CNGB1: variants seen among roughly 807,000 people sequenced by gnomAD.
The protein encoded by CNGB1 is cyclic nucleotide gated channel subunit beta 1.
In CNGB1, 126 loss-of-function variants were observed where a neutral mutation model predicts 151.7. The ratio of observed to expected loss-of-function variants is 0.83; its 90% CI spans 0.72 to 0.96. The LOEUF (loss-of-function observed/expected upper bound fraction) is 0.96. CNGB1 is among the 40% of genes least tolerant of loss of function. The probability of loss-of-function intolerance (pLI) is 0.00; values close to 1 mark genes in which losing one functional copy is unlikely to be tolerated. For missense variants in CNGB1, 1,698 were observed against 1,627.0 expected (o/e 1.04, Z -0.75); for synonymous variants, 623 against 635.1 (o/e 0.98, Z 0.29).
intron 1 of CNGB1, among the ~76,000 whole-genome samples, chr16:57,969,414 C>T (rs933476363): frequency 6.6e-6 from 1 of 152,124 alleles, no homozygotes; most frequent in African/African-American, 2.4e-5. Flanking sequence ...CTCAGGAGTT[C>T]GAGACCAGCC....
Position 57,904,951 on chromosome 16 carries a change from C to G in CNGB1, c.2493-76G>C. On this transcript the variant is annotated intron_variant, in intron 25 of 32. Transcript: ENST00000251102. The stretch of plus-strand genomic sequence containing the variant: ...CGCCCCGAGCAGTCTGGCTCAGACG[C>G]CTCTGATAGATGCATGTTGTGCAAA... The G allele has an allele frequency of 3.2e-6, 5 of 1,570,748 alleles. No homozygotes were observed. The South Asian group carries it at 3.3e-5, about 10-fold the overall frequency.
At chr16:57,885,188 G>A (rs1959880552) in intron 32 of CNGB1, among the ~76,000 whole-genome samples, 1 of 152,234 alleles carries the variant, frequency 6.6e-6, no homozygotes, top group Admixed American at 6.5e-5. Flanking sequence ...AAGGAAACTG[G>A]AGAGGGAGCA....
chr16:57,886,760 T>A lies in CNGB1; in HGVS notation c.3462+1095A>T, dbSNP rs149672627. Among the ~76,000 whole-genome samples, 445 of 152,362 alleles carry A rather than the reference T, an allele frequency of 2.9e-3. 4 individuals are homozygous for A. Among genetic ancestry groups the A allele is most frequent in the African/African-American group, 9.7e-3 (403 of 41,596 alleles). On this transcript the variant is annotated intron_variant, in intron 32 of 32. Coordinates refer to ENST00000251102, the MANE Select transcript of CNGB1 (RefSeq NM_001297.5). ...ATTAATGTAATCATTCCACTTGGTA[T>A]TCTTGGCTTTGGTCACAGAAAAAAG...
At chr16:57,896,676 G>A (rs1960236237) in intron 31 of CNGB1, among the ~76,000 whole-genome samples, 1 of 151,468 alleles carries the variant, frequency 6.6e-6, no homozygotes, top group Non-Finnish European at 1.5e-5. Context: ...TTGTGCCACG[G>A]CACTCCAGCC....
chr16:57,895,934 G>A (rs1960211694), intron 31 of CNGB1, among the ~76,000 whole-genome samples: 1 of 152,132 alleles, frequency 6.6e-6, no homozygotes, highest in African/African-American at 2.4e-5. Context: ...AGTATTCATG[G>A]AATCAAGTAA....
intron 3 of CNGB1, 42 bp from the exon 4 acceptor site, chr16:57,964,244 C>G (rs749246304): frequency 6.3e-7 from 1 of 1,589,404 alleles, no homozygotes; most frequent in Non-Finnish European, 8.6e-7. Context: ...GGGCCTCAGA[C>G]AGGCCCATTT....
intron 32 of CNGB1, 75 bp downstream of exon 32, chr16:57,887,780 C>T (rs760675556): frequency 1.1e-4 from 157 of 1,419,496 alleles, no homozygotes; most frequent in Non-Finnish European, 1.5e-4. Flanking sequence ...GTGTGGCCCA[C>T]TCTTGGAGAC....
Position 57,912,864 on chromosome 16 carries a change from G to A in CNGB1, c.2369+66C>T, listed in dbSNP as rs1365692092. 2.0e-6 allele frequency: 3 copies of A among 1,476,938 alleles called. No homozygotes were observed. In the Admixed American group the frequency reaches 5.0e-5, roughly 25 times the overall value. The allele number at this position is 1,476,938 out of a possible 1,614,324, so 91.5% of individuals were successfully genotyped here. On this transcript the variant is annotated intron_variant, in intron 24 of 32. Transcript: ENST00000251102. ...GTGTCATCTGTGTTGTGTGTGTATT[G>A]CGTGTGTTGTGTGTTTGTGAGTGTC...
intron 20 of CNGB1, 142 bp downstream of exon 20, chr16:57,918,957 G>T: frequency 6.8e-7 from 1 of 1,463,668 alleles, no homozygotes; most frequent in Non-Finnish European, 9.2e-7. Context: ...GAATACTTTT[G>T]AAAGGTATAA....
At chr16:57,967,675 A>G (rs185432586) in intron 1 of CNGB1, among the ~76,000 whole-genome samples, 1 of 152,260 alleles carries the variant, frequency 6.6e-6, no homozygotes, top group Admixed American at 6.5e-5. Context: ...AGCCTGCACA[A>G]CAGAGTGAGA....
At chr16:57,961,433 G>C (rs559165668) in intron 7 of CNGB1, among the ~76,000 whole-genome samples, 1 of 152,298 alleles carries the variant, frequency 6.6e-6, no homozygotes, top group East Asian at 1.9e-4. Flanking sequence ...AATCCATCTG[G>C]CCTCTGGGAA....
At chr16:57,896,019 C>A (rs371862114) in intron 31 of CNGB1, among the ~76,000 whole-genome samples, 6 of 152,196 alleles carry the variant, frequency 3.9e-5, no homozygotes, top group African/African-American at 1.4e-4. Flanking sequence ...CAGCTGACTG[C>A]CAGCTAATAA....
In CNGB1 at chr16:57,883,223, G is replaced by A. The variant is rs1159010474; in HGVS notation, c.*941C>T. ...CGTCCCAAGCTCAGCTCAGAACCAT[G>A]GCAATTCTCAGCTGAACAGCTCGGG... On this transcript the variant is annotated 3_prime_UTR_variant, in exon 33 of 33. Coordinates refer to ENST00000251102, the MANE Select transcript of CNGB1 (RefSeq NM_001297.5). The A allele has an allele frequency of 6.6e-6, 1 of 152,272 alleles. No individual in the cohort carries two copies. Among genetic ancestry groups the A allele is most frequent in the Non-Finnish European group, 1.5e-5 (1 of 68,134 alleles). The allele number at this position is 152,272 out of a possible 1,614,324, so 9.4% of individuals were successfully genotyped here.
chr16:57,960,591 C>A (rs111616938), intron 8 of CNGB1, 61 bp from the exon 9 acceptor site: 35 of 1,591,784 alleles, frequency 2.2e-5, no homozygotes, highest in Non-Finnish European at 2.7e-5. Context: ...CTTCCCCAAC[C>A]GCCACTACCA....
chr16:57,948,284 T>G (rs1961857309), intron 14 of CNGB1, among the ~76,000 whole-genome samples: 2 of 151,582 alleles, frequency 1.3e-5, no homozygotes. Flanking sequence ...TACAACCTGC[T>G]TTTGAGGCAG....
intron 20 of CNGB1, 49 bp from the exon 21 acceptor site, chr16:57,917,525 C>G (rs762936364): frequency 6.3e-7 from 1 of 1,581,966 alleles, no homozygotes; most frequent in South Asian, 1.1e-5. Context: ...AGGCAAGGCT[C>G]TTCACCAGTT....
rs182472747 is a variant in CNGB1, at chr16:57,932,508, T to A, written c.1373-630A>T. Among the ~76,000 whole-genome samples, 1,178 of 149,538 alleles carry A rather than the reference T, an allele frequency of 7.9e-3. 10 individuals carry two copies. The highest frequency in any genetic ancestry group is 0.028 in the South Asian group (128 of 4,588). ...AGCTCCTTCTCCTGGGTTCATGCCA[T>A]TCTCCTGCCTCAGCCTCCCGAGTAG... On this transcript the variant is annotated intron_variant, in intron 16 of 32. Transcript: ENST00000251102.
In CNGB1 at chr16:57,920,412, G is replaced by A. The variant is rs777684696; in HGVS notation, c.1776C>T (p.Thr592=). The change falls in exon 19 of 33, where the codon ACC becomes ACT. Residue 592 remains threonine, a synonymous_variant. Transcript: ENST00000251102. ...AGGGCTTGGGGCTCTCCTCATCAGA[G>A]GTGACGTCAGGGTCAATGAGTTTCT... is the stretch of plus-strand genomic sequence containing the variant. ...VKEKLIDPDV[T]SDEESPKPSP... 45 of 1,614,192 alleles carry A rather than the reference G, an allele frequency of 2.8e-5. No individual in the cohort carries two copies. Among genetic ancestry groups the A allele is most frequent in the Non-Finnish European group, 3.6e-5 (43 of 1,180,042 alleles).
intron 31 of CNGB1, among the ~76,000 whole-genome samples, chr16:57,891,457 G>A (rs1243441498): frequency 5.9e-5 from 9 of 152,172 alleles, no homozygotes; most frequent in African/African-American, 2.2e-4. Context: ...AGTGAGCTAT[G>A]ATCGTGTCAC....
Sources: gnomAD v4.1 joint callset for allele counts (sites outside exome capture counted in the v4.1 genomes callset) on GRCh38, gnomAD v4.1.1 for gene constraint, MANE v1.5 for transcripts, NCBI Gene and HGNC (gene_info 2026-07-23, HGNC 2026-07-21) for gene names.